ELP2: variants seen among roughly 807,000 people sequenced by gnomAD.
ELP2 encodes the protein elongator complex protein 2.
Under a neutral mutation model 119.2 loss-of-function variants are expected in ELP2, and 90 were observed. The observed-to-expected ratio is 0.75, with a 90% CI of 0.64 to 0.90. ELP2 has a LOEUF of 0.90. Ranked by LOEUF, ELP2 falls within the 40% of genes least tolerant of loss-of-function variation. The probability of loss-of-function intolerance (pLI) is 0.00; values close to 1 mark genes in which losing one functional copy is unlikely to be tolerated. For missense variants in ELP2, 921 were observed against 967.8 expected, an observed-to-expected ratio of 0.95 and a Z score of 0.64; for synonymous variants, 339 against 331.0, an observed-to-expected ratio of 1.02 and a Z score of -0.26.
chr18:36,156,157 C>T (rs1292132898), intron 12 of ELP2, among the ~76,000 whole-genome samples: 1 of 152,082 alleles, frequency 6.6e-6, no homozygotes, highest in African/African-American at 2.4e-5. Flanking sequence ...TGGGTCAGTC[C>T]GTAAGAGCTA....
chr18:36,178,217 C>T lies in ELP2; in HGVS notation c.*3576C>T, dbSNP rs2091267164. On this transcript the variant is annotated 3_prime_UTR_variant, in exon 22 of 22. Coordinates refer to ENST00000358232, the MANE Select transcript of ELP2 (RefSeq NM_018255.4). ...AGTTGGGCCACAGCAGAAGGAGGGCCAGGGTAGAGGTTTGGGCCTTGGCTC... is the reference window on the plus strand; with the variant it reads ...AGTTGGGCCACAGCAGAAGGAGGGCTAGGGTAGAGGTTTGGGCCTTGGCTC... The T allele has an allele frequency of 6.6e-6, 1 of 152,182 alleles. No individual in the cohort carries two copies. Among genetic ancestry groups the T allele is most frequent in the Non-Finnish European group, 1.5e-5 (1 of 68,078 alleles). 9.4% of individuals were successfully genotyped at this position (152,182 alleles called of 1,614,324 possible).
chr18:36,163,504 GTCTT>G (rs1269993889), intron 17 of ELP2, among the ~76,000 whole-genome samples: 4 of 151,498 alleles, frequency 2.6e-5, no homozygotes, highest in Non-Finnish European at 4.4e-5. Context: ...ATTAGGCTGT[GTCTT>G]TCTTATATCT....
rs966985577 is a variant in ELP2 at position 36,176,645 on chromosome 18, A to G, written c.*2004A>G. ...CTTGCTACACATCTGGGCAGTCTGCATTGTAATTCATATGTGTTTACACAT... is the reference window on the plus strand; with the variant it reads ...CTTGCTACACATCTGGGCAGTCTGCGTTGTAATTCATATGTGTTTACACAT... On this transcript the variant is annotated 3_prime_UTR_variant, in exon 22 of 22. Coordinates refer to ENST00000358232, the MANE Select transcript of ELP2 (RefSeq NM_018255.4). The G allele has an allele frequency of 3.9e-5, 6 of 152,366 alleles. No individual in the cohort carries two copies. Among genetic ancestry groups the G allele is most frequent in the East Asian group, 1.9e-4 (1 of 5,194 alleles). The allele number at this position is 152,366 out of a possible 1,614,324, so 9.4% of individuals were successfully genotyped here.
intron 20 of ELP2, 152 bp downstream of exon 20, chr18:36,170,348 G>T (rs1267702254): frequency 1.1e-6 from 1 of 946,242 alleles, no homozygotes. Flanking sequence ...GTCTCACTCT[G>T]TCGCCCAGGC....
intron 13 of ELP2, 50 bp from the exon 14 acceptor site, chr18:36,158,785 C>A: frequency 7.7e-7 from 1 of 1,295,602 alleles, no homozygotes; most frequent in Non-Finnish European, 1.1e-6. Flanking sequence ...TTAAAATTAG[C>A]AAATAAAACT....
intron 5 of ELP2, among the ~76,000 whole-genome samples, chr18:36,140,362 T>C (rs2089977808): frequency 6.6e-6 from 1 of 152,088 alleles, no homozygotes; most frequent in Non-Finnish European, 1.5e-5. Context: ...ATTTTTATTT[T>C]GGGGGATGGA....
chr18:36,151,928 A>G (rs1050923311), intron 11 of ELP2, among the ~76,000 whole-genome samples: 3 of 147,196 alleles, frequency 2.0e-5, no homozygotes, highest in African/African-American at 7.6e-5. Flanking sequence ...TTTTTTTTGT[A>G]TTTTTAGGAG....
intron 1 of ELP2, among the ~76,000 whole-genome samples, chr18:36,132,501 C>A (rs1009724770): frequency 6.6e-6 from 1 of 152,178 alleles, no homozygotes; most frequent in African/African-American, 2.4e-5. Context: ...TAAGCAGATA[C>A]AAAGCCATTG....
chr18:36,132,003 C>T (rs1384689322), intron 1 of ELP2, among the ~76,000 whole-genome samples: 1 of 148,630 alleles, frequency 6.7e-6, no homozygotes, highest in African/African-American at 2.5e-5. Flanking sequence ...CTCCACCTCC[C>T]GAAATCAAGT....
intron 11 of ELP2, among the ~76,000 whole-genome samples, chr18:36,147,107 T>C (rs999481308): frequency 6.6e-6 from 1 of 150,916 alleles, no homozygotes; most frequent in Non-Finnish European, 1.5e-5. Flanking sequence ...TTTTTTCTTT[T>C]AACAGGATCT....
rs187059450 is a variant in ELP2, at chr18:36,170,406, A to G, written c.2210+210A>G. Among the ~76,000 whole-genome samples the G allele has an allele frequency of 2.1e-3, 315 of 149,414 alleles. 1 individual carries two copies. Among genetic ancestry groups the G allele is most frequent in the African/African-American group, 7.5e-3 (304 of 40,454 alleles). ...TGCTCACTGCAACCTCTGCCTTCTG[A>G]GTTTAAGCGATTCTCCTGCCTCAGC... On this transcript the variant is annotated intron_variant, in intron 20 of 21. Coordinates refer to ENST00000358232, the MANE Select transcript of ELP2 (RefSeq NM_018255.4).
chr18:36,143,765 TA>T (rs1219216485), intron 8 of ELP2, among the ~76,000 whole-genome samples: 2 of 152,222 alleles, frequency 1.3e-5, no homozygotes, highest in Non-Finnish European at 2.9e-5. Context: ...ATTTTTCTTC[TA>T]AACCATATTA....
At chr18:36,152,273 C>G (rs1393052643) in intron 11 of ELP2, among the ~76,000 whole-genome samples, 3 of 151,808 alleles carry the variant, frequency 2.0e-5, no homozygotes, top group Non-Finnish European at 1.5e-5. Context: ...TAATAACCAT[C>G]TAAAGATTTC....
intron 1 of ELP2, among the ~76,000 whole-genome samples, chr18:36,132,962 TGAGCA>T (rs1248754518): frequency 6.6e-6 from 1 of 151,536 alleles, no homozygotes; most frequent in Non-Finnish European, 1.5e-5. Flanking sequence ...TGTAGGAGAG[TGAGCA>T]GAAGCAGGTG....
intron 8 of ELP2, among the ~76,000 whole-genome samples, chr18:36,143,453 C>G (rs553126230): frequency 6.9e-6 from 1 of 143,924 alleles, no homozygotes; most frequent in Non-Finnish European, 1.5e-5. Context: ...AGACTTCTTA[C>G]CCAGGTTGGA....
chr18:36,137,720 T>C (rs372750127), intron 3 of ELP2, among the ~76,000 whole-genome samples: 3 of 148,646 alleles, frequency 2.0e-5, no homozygotes, highest in Non-Finnish European at 4.4e-5. Context: ...GCAAGTATCA[T>C]GAGTGGATGC....
intron 6 of ELP2, 137 bp from the exon 7 acceptor site, chr18:36,142,144 T>C (rs1785931): frequency 0.35 from 259,253 of 740,588 alleles, 46,854 homozygotes; most frequent in Admixed American, 0.38. Context: ...CCCAAAGGAA[T>C]GCTTTTTCTT....
intron 3 of ELP2, among the ~76,000 whole-genome samples, chr18:36,137,723 G>A (rs1272298027): frequency 2.0e-5 from 3 of 147,684 alleles, no homozygotes; most frequent in Non-Finnish European, 4.5e-5. Flanking sequence ...AGTATCATGA[G>A]TGGATGCTAA....
rs2091191539 is a variant in ELP2, at chr18:36,175,000, C to T, written c.*359C>T. 1 of 284,668 alleles carries T rather than the reference C, an allele frequency of 3.5e-6. No individual in the cohort carries two copies. The highest frequency in any genetic ancestry group is 4.9e-5 in the Admixed American group (1 of 20,324). The allele number at this position is 284,668 out of a possible 1,614,324, so 17.6% of individuals were successfully genotyped here. A position where few individuals can be genotyped will look rare whatever the true frequency, so the allele number is the denominator to read the frequency against. On this transcript the variant is annotated 3_prime_UTR_variant, in exon 22 of 22. Coordinates refer to ENST00000358232, the MANE Select transcript of ELP2 (RefSeq NM_018255.4). Reference sequence around the variant, plus strand: ...GAGCCACTGCGCCCAGCCTGAGTTTCATTTTTTAAGTCACATAGCAGTAGT... The same window carrying T: ...GAGCCACTGCGCCCAGCCTGAGTTTTATTTTTTAAGTCACATAGCAGTAGT...
Sources: gnomAD v4.1 joint callset for allele counts (sites outside exome capture counted in the v4.1 genomes callset) on GRCh38, gnomAD v4.1.1 for gene constraint, MANE v1.5 for transcripts, NCBI Gene and HGNC (gene_info 2026-07-23, HGNC 2026-07-21) for gene names.